The following NR4A1 variants were observed in gnomAD, a reference collection of about 807,000 sequenced individuals.
The protein encoded by NR4A1 is nuclear receptor subfamily 4 group A member 1.
A neutral mutation model predicts 47.5 loss-of-function variants in NR4A1; 24 were observed. The ratio of observed to expected loss-of-function variants is 0.50; its 90% CI spans 0.37 to 0.71. The LOEUF (loss-of-function observed/expected upper bound fraction) is 0.71, where lower values mean the gene tolerates loss of function less well. Ranked by LOEUF, NR4A1 falls within the 30% of genes least tolerant of loss-of-function variation. NR4A1 has a pLI of 0.00. For missense variants in NR4A1, 669 were observed against 788.6 expected (o/e 0.85, Z 1.82); for synonymous variants, 353 against 345.7 (o/e 1.02, Z -0.24).
chr12:52,052,349 C>CTTT (rs1939027629), intron 1 of NR4A1: 1 of 219,582 alleles, frequency 4.6e-6, no homozygotes, highest in African/African-American at 2.4e-5. Context: ...GAGGTGGAAA[C>CTTT]CCTTGTCCTT....
At chr12:52,043,933 T>A (rs1332273111) in intron 2 of NR4A1, 43 of 1,288,314 alleles carry the variant, frequency 3.3e-5, no homozygotes, top group Non-Finnish European at 4.3e-5. Context: ...GACAGGGACA[T>A]TGAGGAATGG....
In NR4A1 at chr12:52,059,079, G is replaced by C. The variant is rs1939427949; in HGVS notation, c.*135G>C. 1.0e-5 allele frequency: 12 copies of C among 1,184,008 alleles called. No individual in the cohort carries two copies. The South Asian group carries it at 1.9e-4, about 19-fold the overall frequency. 73.3% of individuals were successfully genotyped at this position (1,184,008 alleles called of 1,614,324 possible). On this transcript the variant is annotated 3_prime_UTR_variant, in exon 7 of 7. Coordinates refer to ENST00000394825, the MANE Select transcript of NR4A1 (RefSeq NM_173157.3). ...GACTCCACCTTCTCACCTGCTCCAG[G>C]AGGTTTGCAGGGAGCTCAAGCCCTT...
In NR4A1 at chr12:52,054,836, C is replaced by T. The variant is rs1565652091; in HGVS notation, c.508C>T (p.Leu170=). 2 of 1,613,876 alleles carry T rather than the reference C, an allele frequency of 1.2e-6. No individual in the cohort carries two copies. The highest frequency in any genetic ancestry group is 4.5e-5 in the East Asian group (2 of 44,880). ...CTCGCCCAGCCAGACTTACGAAGGC[C>T]TGCGGGCATGGACAGAGCAGCTGCC... The part of the protein sequence containing the change: ...HFSPSQTYEG[L]RAWTEQLPKA... Residue 170 remains leucine (L), a synonymous_variant, in exon 2 of 7, where the codon CTG becomes TTG. Coordinates refer to ENST00000394825, the MANE Select transcript of NR4A1 (RefSeq NM_173157.3).
At position 52,056,648 on chromosome 12, in the gene NR4A1, G is replaced by T; in HGVS notation, c.1158+3G>T. 1 of 1,577,604 alleles carries T rather than the reference G, an allele frequency of 6.3e-7. No individual in the cohort carries two copies. ...CTGCCAAACTGGACTACTCCAAGGT[G>T]AGGTCCCACCCCGTGTCTGCCTTGG... On this transcript the variant is annotated splice_donor_region_variant and intron_variant, in intron 4 of 6. Coordinates refer to ENST00000394825, the MANE Select transcript of NR4A1 (RefSeq NM_173157.3).
rs770824666 is a variant in NR4A1, at chr12:52,056,119, C to T, written c.966C>T (p.Cys322=). 3.7e-6 allele frequency: 6 copies of T among 1,611,850 alleles called. No individual in the cohort carries two copies. The highest frequency in any genetic ancestry group is 1.1e-5 in the South Asian group (1 of 90,772). The change falls in exon 3 of 7, where the codon TGC becomes TGT. Residue 322 remains cysteine, a synonymous_variant. Transcript: ENST00000394825. ...GGCGGCGAAACCGCTGCCAGTTCTG[C>T]CGCTTCCAGAAGTGCCTGGCGGTGG... The part of the protein sequence containing the change: ...DKRRRNRCQF[C]RFQKCLAVGM...
At position 52,058,970 on chromosome 12, in the gene NR4A1, A is replaced by G. The variant is rs796831046; in HGVS notation, c.*26A>G. On this transcript the variant is annotated 3_prime_UTR_variant, in exon 7 of 7. Transcript: ENST00000394825. ...CCCCTGCCTGGGAACACGTGTGCAC[A>G]TGCGCACTCTCATATGCCACCCCAT... 5 of 1,594,220 alleles carry G rather than the reference A, an allele frequency of 3.1e-6. No individual in the cohort carries two copies. Among genetic ancestry groups the G allele is most frequent in the Non-Finnish European group, 4.3e-6 (5 of 1,165,764 alleles).
intron 1 of NR4A1, among the ~76,000 whole-genome samples, chr12:52,029,438 A>C (rs1938070933): frequency 6.6e-6 from 1 of 152,188 alleles, no homozygotes; most frequent in African/African-American, 2.4e-5. Context: ...CCTGTAATCC[A>C]ACATTTTGGG....
intron 1 of NR4A1, chr12:52,054,123 C>T: frequency 1.7e-6 from 1 of 579,208 alleles, no homozygotes; most frequent in East Asian, 2.9e-5. Flanking sequence ...GGCCGCTGCC[C>T]AGGGGCTTTG....
chr12:52,041,443 C>G (rs552076722), intron 1 of NR4A1, among the ~76,000 whole-genome samples: 89 of 152,284 alleles, frequency 5.8e-4, no homozygotes, highest in African/African-American at 2.1e-3. Flanking sequence ...GGGTATTCCG[C>G]TCTGTCCTCA....
At chr12:52,044,357 G>A (rs761490162) in intron 2 of NR4A1, among the ~76,000 whole-genome samples, 2 of 152,200 alleles carry the variant, frequency 1.3e-5, no homozygotes, top group Non-Finnish European at 2.9e-5. Context: ...GGCCTGCCCC[G>A]CTTGCCGGGC....
chr12:52,044,391 T>G (rs114081621), intron 2 of NR4A1, among the ~76,000 whole-genome samples: 2,850 of 152,208 alleles, frequency 0.019, 96 homozygotes, highest in African/African-American at 0.065. Flanking sequence ...CCCAGCTGCT[T>G]TGGGTGCCTG....
chr12:52,039,285 C>T (rs1049748019), intron 1 of NR4A1, among the ~76,000 whole-genome samples: 1 of 152,306 alleles, frequency 6.6e-6, no homozygotes, highest in East Asian at 1.9e-4. Flanking sequence ...GGGATATTGG[C>T]CAATGCAGAG....
intron 6 of NR4A1, 123 bp from the exon 7 acceptor site, chr12:52,058,565 T>G: frequency 7.7e-7 from 1 of 1,302,970 alleles, no homozygotes; most frequent in Non-Finnish European, 1.0e-6. Flanking sequence ...TGAATGCGCT[T>G]TTGTGAAGTG....
intron 2 of NR4A1, chr12:52,042,030 T>G: frequency 8.2e-4 from 744 of 909,044 alleles, no homozygotes; most frequent in East Asian, 4.0e-3. Flanking sequence ...GTTAGGGGGA[T>G]GGAGGGGAAG....
chr12:52,049,759 G>C (rs948955735), upstream of NR4A1, among the ~76,000 whole-genome samples: 21 of 152,342 alleles, frequency 1.4e-4, no homozygotes, highest in African/African-American at 3.8e-4. Context: ...GGCATCAGGA[G>C]CCAGGAGCAG....
upstream of NR4A1, among the ~76,000 whole-genome samples, chr12:52,049,585 G>A (rs1592296997): frequency 6.6e-6 from 1 of 152,224 alleles, no homozygotes; most frequent in Admixed American, 6.5e-5. Context: ...AGCCTGGGAG[G>A]TCCAGGCTGC....
upstream of NR4A1, among the ~76,000 whole-genome samples, chr12:52,046,535 T>A (rs1396234800): frequency 2.6e-5 from 4 of 152,196 alleles, no homozygotes; most frequent in Non-Finnish European, 4.4e-5. Context: ...TAATCATACT[T>A]GTGCTCTATC....
intron 1 of NR4A1, among the ~76,000 whole-genome samples, chr12:52,033,732 T>C (rs1211616658): frequency 6.6e-6 from 1 of 152,232 alleles, no homozygotes; most frequent in Non-Finnish European, 1.5e-5. Flanking sequence ...TTTGTGTCTC[T>C]ATTTTTTCGG....
upstream of NR4A1, among the ~76,000 whole-genome samples, chr12:52,048,408 C>T (rs1312279915): frequency 3.3e-5 from 5 of 151,894 alleles, no homozygotes; most frequent in Admixed American, 6.6e-5. Context: ...TCCTGGCTAA[C>T]ACAGTGAAAC....
Sources: allele counts gnomAD v4.1 joint callset (sites outside exome capture counted in the v4.1 genomes callset), GRCh38; gene constraint gnomAD v4.1.1; transcripts MANE v1.5; gene names NCBI Gene and HGNC (gene_info 2026-07-23, HGNC 2026-07-21).